Variants in PLXDC1 observed in about 807,000 individuals in gnomAD.
PLXDC1 encodes plexin domain containing 1.
PLXDC1 carries 39 observed loss-of-function variants against 61.3 expected under a neutral mutation model. The observed-to-expected ratio is 0.64, with a 90% CI of 0.49 to 0.83. PLXDC1 has a LOEUF of 0.83. Among genes scored for constraint, PLXDC1 ranks in the 40% least tolerant of loss-of-function variants. PLXDC1 has a pLI of 0.00. For synonymous variants in PLXDC1, 212 were observed against 254.5 expected, an observed-to-expected ratio of 0.83 and a Z score of 1.59; for missense variants, 596 against 666.5, an observed-to-expected ratio of 0.89 and a Z score of 1.17.
intron 2 of PLXDC1, among the ~76,000 whole-genome samples, chr17:39,114,987 G>A (rs2143736319): frequency 6.6e-6 from 1 of 152,342 alleles, no homozygotes; most frequent in Non-Finnish European, 1.5e-5. Context: ...TGCCGCCTCA[G>A]CTAAGACTGC....
chr17:39,096,635 C>T (rs11079076), intron 7 of PLXDC1, among the ~76,000 whole-genome samples: 49,913 of 152,076 alleles, frequency 0.33, 8,722 homozygotes, highest in Admixed American at 0.44. Context: ...AGGAGGAGGA[C>T]CAGCATGTTG....
chr17:39,095,385 CCCAA>C (rs56355157), intron 7 of PLXDC1, among the ~76,000 whole-genome samples: 47,217 of 80,146 alleles, frequency 0.59, 18,929 homozygotes, highest in South Asian at 0.68. Flanking sequence ...CCCCCAACCC[CCCAA>C]GCCTGGGTTA....
intron 7 of PLXDC1, among the ~76,000 whole-genome samples, chr17:39,090,091 G>A (rs1429484221): frequency 6.6e-6 from 1 of 152,086 alleles, no homozygotes; most frequent in Non-Finnish European, 1.5e-5. Flanking sequence ...GAGCCACCAT[G>A]CCTGGCCTGT....
At chr17:39,090,393 C>T (rs1909901930) in intron 7 of PLXDC1, among the ~76,000 whole-genome samples, 1 of 152,190 alleles carries the variant, frequency 6.6e-6, no homozygotes, top group South Asian at 2.1e-4. Flanking sequence ...TAGGAGGGTG[C>T]ACCTGCTACC....
intron 2 of PLXDC1, among the ~76,000 whole-genome samples, chr17:39,116,982 G>A (rs1212176150): frequency 6.6e-6 from 1 of 152,228 alleles, no homozygotes; most frequent in Non-Finnish European, 1.5e-5. Context: ...ACTTCCCCCA[G>A]GAACTGGGGA....
intron 2 of PLXDC1, among the ~76,000 whole-genome samples, chr17:39,119,751 A>G (rs1911099789): frequency 1.3e-5 from 2 of 152,082 alleles, no homozygotes; most frequent in South Asian, 4.2e-4. Flanking sequence ...TCTCAAAAAA[A>G]ATTTTTTTTT....
At chr17:39,143,506 C>G (rs1912000411) in intron 1 of PLXDC1, among the ~76,000 whole-genome samples, 1 of 152,244 alleles carries the variant, frequency 6.6e-6, no homozygotes, top group South Asian at 2.1e-4. Flanking sequence ...CAGCAAACAG[C>G]AGGTGCTCCA....
At chr17:39,076,140 A>T (rs1909326520) in intron 11 of PLXDC1, among the ~76,000 whole-genome samples, 2 of 151,436 alleles carry the variant, frequency 1.3e-5, no homozygotes, top group African/African-American at 4.9e-5. Flanking sequence ...TGGAAAGAAC[A>T]TCTCACCACT....
chr17:39,150,171 G>C (rs2045364006), intron 1 of PLXDC1, among the ~76,000 whole-genome samples: 7 of 152,024 alleles, frequency 4.6e-5, no homozygotes. Flanking sequence ...AAAATTGGTG[G>C]TTCTCACCAG....
At chr17:39,111,244 C>G (rs1204227100) in intron 2 of PLXDC1, among the ~76,000 whole-genome samples, 1 of 152,168 alleles carries the variant, frequency 6.6e-6, no homozygotes, top group East Asian at 1.9e-4. Flanking sequence ...TCGCCTTCTC[C>G]CCTTGACAGA....
At position 39,142,210 on chromosome 17, in the gene PLXDC1, G is replaced by A. The variant is rs74557523; in HGVS notation, c.77-2378C>T. Among the ~76,000 whole-genome samples, 1,270 of 152,276 alleles carry A rather than the reference G, an allele frequency of 8.3e-3. 23 individuals are homozygous for A. The highest frequency in any genetic ancestry group is 0.029 in the African/African-American group (1,207 of 41,558). ...AATTAACCCCCCCTTGCCCCATTGA[G>A]GGAGGGGTAATTTTTTACTGTTTTA... On this transcript the variant is annotated intron_variant, in intron 1 of 13. Coordinates refer to ENST00000315392, the MANE Select transcript of PLXDC1 (RefSeq NM_020405.5).
intron 1 of PLXDC1, among the ~76,000 whole-genome samples, chr17:39,142,334 G>C (rs2143955198): frequency 6.6e-6 from 1 of 152,336 alleles, no homozygotes; most frequent in African/African-American, 2.4e-5. Context: ...CTCCAACTGA[G>C]AATGCAAAGG....
At chr17:39,122,120 G>A (rs1345969196) in intron 2 of PLXDC1, among the ~76,000 whole-genome samples, 3 of 147,606 alleles carry the variant, frequency 2.0e-5, no homozygotes, top group African/African-American at 7.5e-5. Context: ...AAGGGGGGGG[G>A]GACTGGGTGC....
chr17:39,146,948 A>ATTTTTTTTTTTTTTTTTTTTTTTTTT (rs869300584), intron 1 of PLXDC1, among the ~76,000 whole-genome samples: 1 of 74,686 alleles, frequency 1.3e-5, no homozygotes, highest in Non-Finnish European at 2.5e-5. Context: ...ACAGGAAATG[A>ATTTTTTTTTTTTTTTTTTTTTTTTTT]TTTTTTTTTT....
chr17:39,151,603 C>G lies in PLXDC1; in HGVS notation c.-166G>C. The G allele has an allele frequency of 8.9e-7, 1 of 1,123,096 alleles. No individual in the cohort carries two copies. 69.6% of individuals were successfully genotyped at this position (1,123,096 alleles called of 1,614,324 possible). A position where few individuals can be genotyped will look rare whatever the true frequency, so the allele number is the denominator to read the frequency against. On this transcript the variant is annotated 5_prime_UTR_variant, in exon 1 of 14. Transcript: ENST00000315392. This position sits in a 1 kb window ranked among gnomAD's most constrained non-coding sequence, Gnocchi z 5.2. ...GGCGAGCCGGCAGGAGCGGCGAGAG[C>G]GCGAGCGGAGCTGGAGGCTGCGGCC... is the stretch of plus-strand genomic sequence containing the variant.
chr17:39,152,713 G>A (rs2144026078), upstream of PLXDC1: 2 of 1,232,134 alleles, frequency 1.6e-6, no homozygotes, highest in South Asian at 4.1e-5. Flanking sequence ...GGATATGGGC[G>A]GGGACAGGAG....
Position 39,067,865 on chromosome 17 carries a change from C to T in PLXDC1, c.1478G>A (p.Gly493Asp). The change falls in exon 14 of 14, where the codon GGC becomes GAC. Residue 493 changes from glycine (G) to aspartate (D), a missense_variant. Transcript: ENST00000315392. ...TCAGCACTGCTCAGCCTCCATGAAG[C>T]CCTCCTTCTCATGGCCCGAGGGCTC... is the stretch of plus-strand genomic sequence containing the variant. ...EVEPSGHEKE[G>D]FMEAEQC is the part of the protein sequence containing the mutation. 6.2e-7 allele frequency: 1 copy of T among 1,613,938 alleles called. No individual in the cohort carries two copies. Among genetic ancestry groups the T allele is most frequent in the Non-Finnish European group, 8.5e-7 (1 of 1,179,794 alleles).
At chr17:39,114,268 C>G (rs1043715069) in intron 2 of PLXDC1, among the ~76,000 whole-genome samples, 5 of 152,188 alleles carry the variant, frequency 3.3e-5, no homozygotes, top group Admixed American at 2.0e-4. Flanking sequence ...GCACCTCCTC[C>G]TCTCCCCTGC....
At chr17:39,090,982 C>T (rs774146642) in intron 7 of PLXDC1, among the ~76,000 whole-genome samples, 1 of 152,190 alleles carries the variant, frequency 6.6e-6, no homozygotes, top group African/African-American at 2.4e-5. Flanking sequence ...CCCACAGAGG[C>T]GGCCTGACCG....
Sources: gnomAD v4.1 joint callset for allele counts (sites outside exome capture counted in the v4.1 genomes callset) on GRCh38, gnomAD v4.1.1 for gene constraint, Gnocchi (gnomAD v3.1) non-coding constraint, MANE v1.5 for transcripts, NCBI Gene and HGNC (gene_info 2026-07-23, HGNC 2026-07-21) for gene names.